The following CSF3R variants were observed in gnomAD, a reference collection of about 807,000 sequenced individuals.
CSF3R encodes colony stimulating factor 3 receptor.
A neutral mutation model predicts 84.4 loss-of-function variants in CSF3R; 52 were observed. The ratio of observed to expected loss-of-function variants is 0.62; its 90% CI spans 0.49 to 0.78. The LOEUF is 0.78. Among genes scored for constraint, CSF3R ranks in the 30% least tolerant of loss-of-function variants. The probability of loss-of-function intolerance (pLI) is 0.00; values close to 1 mark genes in which losing one functional copy is unlikely to be tolerated. For missense variants in CSF3R, 890 were observed against 1,055.7 expected, an observed-to-expected ratio of 0.84 and a Z score of 2.17; for synonymous variants, 384 against 429.1, an observed-to-expected ratio of 0.89 and a Z score of 1.30.
Position 36,475,612 on chromosome 1 carries a change from G to T in CSF3R, c.126C>A (p.Ile42=), listed in dbSNP as rs375148071. The part of the protein sequence containing the change: ...SAPIVHLGDP[I]TASCIIKQNC... ...TCTGCTTGATGATGCAGGAGGCTGT[G>T]ATGGGATCCCCCAGGTGGACGATGG... Residue 42 remains isoleucine, a synonymous_variant, in exon 4 of 17, where the codon ATC becomes ATA. Coordinates refer to ENST00000373106, the MANE Select transcript of CSF3R (RefSeq NM_000760.4). The T allele has an allele frequency of 1.2e-5, 20 of 1,607,860 alleles. No individual in the cohort carries two copies. Among genetic ancestry groups the T allele is most frequent in the Non-Finnish European group, 1.7e-5 (20 of 1,174,924 alleles).
chr1:36,477,166 A>G (rs1651205762), intron 3 of CSF3R: 3 of 152,276 alleles, frequency 2.0e-5, no homozygotes, highest in African/African-American at 7.2e-5. Context: ...CACTCCAGCT[A>G]GACTATAAAT....
chr1:36,467,937 A>G lies in CSF3R; in HGVS notation c.1749T>C (p.Arg583=), dbSNP rs760882645. The G allele has an allele frequency of 6.2e-7, 1 of 1,614,202 alleles. No individual in the cohort carries two copies. Among genetic ancestry groups the G allele is most frequent in the South Asian group, 1.1e-5 (1 of 91,088 alleles). The change falls in exon 14 of 17, where the codon CGT becomes CGC. Residue 583 remains arginine, a synonymous_variant. Coordinates refer to ENST00000373106, the MANE Select transcript of CSF3R (RefSeq NM_000760.4). This position sits in a 1 kb window ranked among gnomAD's most constrained non-coding sequence, Gnocchi z 4.1. ...SFSAILNASS[R]GFVLHGLEPA... The stretch of plus-strand genomic sequence containing the variant: ...GCTCCAGGCCATGGAGGACAAAGCC[A>G]CGGGAGGAGGCATTCAGGATGGCGG...
At chr1:36,471,869 T>C in intron 9 of CSF3R, 197 bp downstream of exon 9, 1 of 689,774 alleles carries the variant, frequency 1.4e-6, no homozygotes, top group Non-Finnish European at 2.5e-6. Flanking sequence ...AACTATTCAC[T>C]GAACCACACT....
In CSF3R at chr1:36,469,668, C is replaced by T. The variant is rs138289951; in HGVS notation, c.1458G>A (p.Thr486=). The stretch of plus-strand genomic sequence containing the variant: ...CAGCCTCACCCTTCAGCAGAAACCC[C>T]GTGGCTCTCCCATTCTGTTCCATCC... ...TWRMEQNGRA[T]GFLLKENIRP... The change falls in exon 11 of 17, where the codon ACG becomes ACA. Residue 486 remains threonine, a synonymous_variant. Coordinates refer to ENST00000373106, the MANE Select transcript of CSF3R (RefSeq NM_000760.4). 517 of 1,614,148 alleles carry T rather than the reference C, an allele frequency of 3.2e-4. No homozygotes were observed. In the African/African-American group the frequency reaches 4.4e-3, roughly 14 times the overall value.
chr1:36,475,889 T>C (rs1651116848), intron 3 of CSF3R: 1 of 548,344 alleles, frequency 1.8e-6, no homozygotes, highest in Non-Finnish European at 3.2e-6. Context: ...ATCAGCCAGC[T>C]TGGCAGAGAA....
chr1:36,468,488 C>G (rs1435637052), intron 12 of CSF3R: 1 of 366,132 alleles, frequency 2.7e-6, no homozygotes, highest in Non-Finnish European at 4.9e-6. Context: ...GATTTACTCT[C>G]TGATTTCTGC....
Position 36,467,216 on chromosome 1 carries a change from T to TC in CSF3R, c.2040+13dup. The TC allele has an allele frequency of 1.2e-6, 2 of 1,613,654 alleles. No individual in the cohort carries two copies. The highest frequency in any genetic ancestry group is 1.7e-6 in the Non-Finnish European group (2 of 1,179,524). On this transcript the variant is annotated intron_variant, in intron 16 of 16. Coordinates refer to ENST00000373106, the MANE Select transcript of CSF3R (RefSeq NM_000760.4). The surrounding 1 kb of genome is among the most constrained non-coding windows in gnomAD (Gnocchi z 4.1). ...CATCCCCATCTCATTTCCCTCTCCC[T>TC]CCTGGATTCTCACCTCCTCCATGAT...
chr1:36,475,912 G>A (rs955774079), intron 3 of CSF3R: 7 of 510,670 alleles, frequency 1.4e-5, no homozygotes, highest in Non-Finnish European at 2.4e-5. Context: ...GCAGACCCTG[G>A]TTTGTAGTGT....
Position 36,473,671 on chromosome 1 carries a change from T to G in CSF3R, c.486-49A>C, listed in dbSNP as rs894385185. The stretch of plus-strand genomic sequence containing the variant: ...GCCAAGCAGAGGAAGAAAGCGAGGC[T>G]CCCTTCTCCCTCCCAGAGGCATGCC... On this transcript the variant is annotated intron_variant, in intron 5 of 16. Transcript: ENST00000373106. The G allele has an allele frequency of 5.6e-6, 9 of 1,613,732 alleles. No individual in the cohort carries two copies. The South Asian group carries it at 8.8e-5, about 16-fold the overall frequency.
At chr1:36,474,731 C>A (rs1485509217) in intron 4 of CSF3R, among the ~76,000 whole-genome samples, 2 of 152,128 alleles carry the variant, frequency 1.3e-5, no homozygotes, top group African/African-American at 4.8e-5. Context: ...GGGGGACAAG[C>A]CCAGCTGGTA....
intron 3 of CSF3R, among the ~76,000 whole-genome samples, chr1:36,476,502 C>T (rs746819369): frequency 3.9e-5 from 6 of 152,238 alleles, no homozygotes; most frequent in Non-Finnish European, 7.3e-5. Flanking sequence ...GGCCTGGCCC[C>T]TGCCTGACCC....
intron 12 of CSF3R, 194 bp downstream of exon 12, chr1:36,468,962 A>G (rs1253785728): frequency 3.4e-6 from 2 of 596,090 alleles, no homozygotes; most frequent in Non-Finnish European, 6.1e-6. Flanking sequence ...TCCCTACTCA[A>G]TTTCTATCCC....
chr1:36,483,244 G>A (rs1341776494), upstream of CSF3R: 5 of 152,284 alleles, frequency 3.3e-5, no homozygotes, highest in Non-Finnish European at 5.9e-5. Flanking sequence ...GGCAGGCCCT[G>A]GCTGGAAGGC....
chr1:36,479,994 GACAA>G, intron 2 of CSF3R: 3 of 276,926 alleles, frequency 1.1e-5, no homozygotes, highest in Middle Eastern at 1.4e-3. Flanking sequence ...CACCTCTATG[GACAA>G]CTGGGGCTCT....
At position 36,466,906 on chromosome 1, in the gene CSF3R, C is replaced by T. The variant is rs1650360240; in HGVS notation, c.2041-79G>A. The T allele has an allele frequency of 1.9e-6, 3 of 1,613,862 alleles. No homozygotes were observed. On this transcript the variant is annotated intron_variant, in intron 16 of 16. Coordinates refer to ENST00000373106, the MANE Select transcript of CSF3R (RefSeq NM_000760.4). This position sits in a 1 kb window ranked among gnomAD's most constrained non-coding sequence, Gnocchi z 4.6. Reference sequence around the variant, plus strand: ...GCCACTGTCCCTGTCTGGGTCCGGGCAGCTGTGGGGACATTCAACTGTTGT... The same window carrying T: ...GCCACTGTCCCTGTCTGGGTCCGGGTAGCTGTGGGGACATTCAACTGTTGT...
chr1:36,475,595 A>G lies in CSF3R; in HGVS notation c.143T>C (p.Ile48Thr). The G allele has an allele frequency of 6.2e-7, 1 of 1,611,560 alleles. No individual in the cohort carries two copies. Among genetic ancestry groups the G allele is most frequent in the Non-Finnish European group, 8.5e-7 (1 of 1,177,904 alleles). ...LGDPITASCI[I>T]KQNCSHLDPE... ...GTCCAGATGGCTGCAGTTCTGCTTG[A>G]TGATGCAGGAGGCTGTGATGGGATC... Residue 48 changes from isoleucine to threonine, a missense_variant, in exon 4 of 17, where the codon ATC becomes ACC. Transcript: ENST00000373106.
Position 36,469,113 on chromosome 1 carries a change from A to G in CSF3R, c.1576+43T>C, listed in dbSNP as rs775879363. On this transcript the variant is annotated intron_variant, in intron 12 of 16. Transcript: ENST00000373106. Reference sequence around the variant, plus strand: ...TGGGGACCAGGCAGAGCCTTGGGAGAGAGAGGAGAGGATTCTGGAAAGGGG... The same window carrying G: ...TGGGGACCAGGCAGAGCCTTGGGAGGGAGAGGAGAGGATTCTGGAAAGGGG... 23 of 1,404,634 alleles carry G rather than the reference A, an allele frequency of 1.6e-5. 1 individual carries two copies. The South Asian group carries it at 2.7e-4, about 16-fold the overall frequency. 87.0% of individuals were successfully genotyped at this position (1,404,634 alleles called of 1,614,324 possible). A position where few individuals can be genotyped will look rare whatever the true frequency, so the allele number is the denominator to read the frequency against.
rs1310646779 is a variant in CSF3R, at chr1:36,473,754, C to CCCT, written c.485+7_485+9dup. 6.2e-7 allele frequency: 1 copy of CCCT among 1,614,198 alleles called. No homozygotes were observed. The highest frequency in any genetic ancestry group is 1.1e-5 in the South Asian group (1 of 91,088). On this transcript the variant is annotated intron_variant, in intron 5 of 16. Transcript: ENST00000373106. ...AAAGGGAGGGGACCAAGGTGGGGGC[C>CCCT]CCTCCTCACTTGAAACTCTTCAGAG...
Position 36,468,127 on chromosome 1 carries a change from G to A in CSF3R, c.1671C>T (p.Ser557=), listed in dbSNP as rs1192282661. The part of the protein sequence containing the change: ...WVPEPPELGK[S]PLTHYTIFWT... ...AGAAGATGGTGTAGTGGGTAAGGGGGCTCTTCCCCAGCTCAGGGGGCTCAG... is the reference window on the plus strand; with the variant it reads ...AGAAGATGGTGTAGTGGGTAAGGGGACTCTTCCCCAGCTCAGGGGGCTCAG... The change falls in exon 13 of 17, where the codon AGC becomes AGT. Residue 557 remains serine, a synonymous_variant. Coordinates refer to ENST00000373106, the MANE Select transcript of CSF3R (RefSeq NM_000760.4). 1 of 1,614,168 alleles carries A rather than the reference G, an allele frequency of 6.2e-7. No individual in the cohort carries two copies. Among genetic ancestry groups the A allele is most frequent in the Non-Finnish European group, 8.5e-7 (1 of 1,179,992 alleles).
Sources: allele counts gnomAD v4.1 joint callset (sites outside exome capture counted in the v4.1 genomes callset), GRCh38; gene constraint gnomAD v4.1.1; non-coding constraint Gnocchi (gnomAD v3.1); transcripts MANE v1.5; gene names NCBI Gene and HGNC (gene_info 2026-07-23, HGNC 2026-07-21).